The following ANAPC10 variants were observed in gnomAD, a reference collection of about 807,000 sequenced individuals.
ANAPC10 encodes anaphase promoting complex subunit 10, also known as anaphase-promoting complex subunit 10.
In ANAPC10, 12 loss-of-function variants were observed where a neutral mutation model predicts 22.0. The ratio of observed to expected loss-of-function variants is 0.55; its 90% CI spans 0.35 to 0.88. The LOEUF is 0.88. ANAPC10 is among the 40% of genes least tolerant of loss of function. The pLI is 0.01. For synonymous variants in ANAPC10, 65 were observed against 69.5 expected, an observed-to-expected ratio of 0.94 and a Z score of 0.32; for missense variants, 188 against 220.9, an observed-to-expected ratio of 0.85 and a Z score of 0.94.
At chr4:145,039,106 C>T (rs1384064992) in intron 4 of ANAPC10, among the ~76,000 whole-genome samples, 2 of 133,668 alleles carry the variant, frequency 1.5e-5, no homozygotes, top group Non-Finnish European at 3.1e-5. Context: ...GATGACGAGA[C>T]ATCACTTTCT....
intron 4 of ANAPC10, among the ~76,000 whole-genome samples, chr4:145,014,572 T>C (rs113514092): frequency 0.018 from 2,736 of 152,062 alleles, 98 homozygotes; most frequent in African/African-American, 0.062. Flanking sequence ...CGTCTGATCC[T>C]CCCTATACTA....
At chr4:145,060,050 T>A (rs1300571457) in intron 4 of ANAPC10, among the ~76,000 whole-genome samples, 2 of 152,084 alleles carry the variant, frequency 1.3e-5, no homozygotes, top group Non-Finnish European at 2.9e-5. Flanking sequence ...AGAAAGACAG[T>A]GTAGACTCAG....
At chr4:145,031,290 T>C (rs1376218586) in intron 4 of ANAPC10, among the ~76,000 whole-genome samples, 2 of 152,166 alleles carry the variant, frequency 1.3e-5, no homozygotes, top group Non-Finnish European at 2.9e-5. Flanking sequence ...AAGTAGCAAA[T>C]ACACTGGACT....
At chr4:145,091,557 T>G (rs552740528) in intron 2 of ANAPC10, among the ~76,000 whole-genome samples, 1 of 152,342 alleles carries the variant, frequency 6.6e-6, no homozygotes, top group African/African-American at 2.4e-5. Context: ...GCTACAGTAT[T>G]CCATAGTGTA....
intron 4 of ANAPC10, among the ~76,000 whole-genome samples, chr4:145,019,635 G>C (rs141690366): frequency 7.2e-5 from 11 of 152,110 alleles, no homozygotes; most frequent in African/African-American, 2.2e-4. Context: ...AATTACAAAA[G>C]ATAAATGAAA....
Position 145,049,992 on chromosome 4 carries a change from T to C in ANAPC10, c.327+14580A>G, listed in dbSNP as rs181153205. On this transcript the variant is annotated intron_variant, in intron 4 of 4. Transcript: ENST00000507656. Reference sequence around the variant, plus strand: ...TCAACTTCTTCCAAACTAATGTTAATGTTCATATTTTGACCTTTTCATGTG... The same window carrying C: ...TCAACTTCTTCCAAACTAATGTTAACGTTCATATTTTGACCTTTTCATGTG... Among the ~76,000 whole-genome samples the C allele has an allele frequency of 7.9e-5, 12 of 152,358 alleles. No individual in the cohort carries two copies. The East Asian group carries it at 2.3e-3, about 29-fold the overall frequency.
chr4:145,013,484 T>C (rs541555964), intron 4 of ANAPC10, among the ~76,000 whole-genome samples: 1 of 152,278 alleles, frequency 6.6e-6, no homozygotes, highest in South Asian at 2.1e-4. Context: ...TACTCATTTA[T>C]GATTTTAAAA....
At chr4:145,038,213 G>A (rs144219386) in intron 4 of ANAPC10, among the ~76,000 whole-genome samples, 5 of 152,134 alleles carry the variant, frequency 3.3e-5, no homozygotes, top group Non-Finnish European at 4.4e-5. Context: ...TCAAAAGGAC[G>A]GTTAAAAAGC....
chr4:145,028,475 T>C (rs1363581185), intron 4 of ANAPC10, among the ~76,000 whole-genome samples: 17 of 152,052 alleles, frequency 1.1e-4, no homozygotes, highest in Admixed American at 1.0e-3. Context: ...ATATCATATA[T>C]ATACATATCT....
At chr4:145,093,619 G>T (rs1748049109) in intron 2 of ANAPC10, among the ~76,000 whole-genome samples, 1 of 150,732 alleles carries the variant, frequency 6.6e-6, no homozygotes, top group Non-Finnish European at 1.5e-5. Flanking sequence ...TAACAGACAG[G>T]AATTTCAATA....
intron 2 of ANAPC10, among the ~76,000 whole-genome samples, chr4:145,082,307 G>A (rs994292431): frequency 6.6e-6 from 1 of 152,114 alleles, no homozygotes; most frequent in African/African-American, 2.4e-5. Flanking sequence ...ACGCCACCAC[G>A]CCAGACTAAT....
chr4:145,025,416 T>TA (rs1342000631), intron 4 of ANAPC10, among the ~76,000 whole-genome samples: 2 of 150,610 alleles, frequency 1.3e-5, no homozygotes, highest in Non-Finnish European at 3.0e-5. Context: ...CTTGGACACT[T>TA]AGAGACCATT....
At chr4:145,060,517 C>G (rs1365379418) in intron 4 of ANAPC10, among the ~76,000 whole-genome samples, 4 of 151,872 alleles carry the variant, frequency 2.6e-5, no homozygotes, top group Non-Finnish European at 5.9e-5. Flanking sequence ...TAAGTTACTA[C>G]TTCAAATCAA....
intron 4 of ANAPC10, among the ~76,000 whole-genome samples, chr4:145,032,188 A>C (rs1311778905): frequency 6.6e-6 from 1 of 152,210 alleles, no homozygotes; most frequent in Non-Finnish European, 1.5e-5. Context: ...ACCACCTGCA[A>C]GTGGACAGCT....
intron 3 of ANAPC10, among the ~76,000 whole-genome samples, chr4:145,072,630 T>C (rs1744648788): frequency 6.6e-6 from 1 of 152,270 alleles, no homozygotes; most frequent in South Asian, 2.1e-4. Flanking sequence ...AGTTCTCAAG[T>C]GCTAAAAAAA....
chr4:145,010,771 T>C (rs938575535), intron 4 of ANAPC10, among the ~76,000 whole-genome samples: 4 of 151,962 alleles, frequency 2.6e-5, no homozygotes, highest in African/African-American at 4.8e-5. Flanking sequence ...CATGTATACA[T>C]ATGTAACAAA....
At chr4:145,050,177 T>C (rs1321757523) in intron 4 of ANAPC10, among the ~76,000 whole-genome samples, 1 of 152,228 alleles carries the variant, frequency 6.6e-6, no homozygotes, top group African/African-American at 2.4e-5. Context: ...CCTTGATCCA[T>C]GGGCTGCAGA....
chr4:145,024,728 G>C (rs1736415013), intron 4 of ANAPC10, among the ~76,000 whole-genome samples: 1 of 152,100 alleles, frequency 6.6e-6, no homozygotes, highest in South Asian at 2.1e-4. Flanking sequence ...TAATTCTTAA[G>C]GGCCCTAGGA....
intron 4 of ANAPC10, among the ~76,000 whole-genome samples, chr4:145,008,952 C>G (rs1733857378): frequency 1.3e-5 from 2 of 152,116 alleles, no homozygotes; most frequent in Non-Finnish European, 2.9e-5. Flanking sequence ...ACTGTCTCAG[C>G]CCAAAATCTC....
Sources: allele counts gnomAD v4.1 joint callset (sites outside exome capture counted in the v4.1 genomes callset), GRCh38; gene constraint gnomAD v4.1.1; transcripts MANE v1.5; gene names NCBI Gene and HGNC (gene_info 2026-07-23, HGNC 2026-07-21).